The following CSRNP3 variants were observed in gnomAD, a reference collection of about 807,000 sequenced individuals.
CSRNP3 encodes cysteine/serine-rich nuclear protein 3.
In CSRNP3, 12 loss-of-function variants were observed where a neutral mutation model predicts 48.0. The ratio of observed to expected loss-of-function variants is 0.25; its 90% CI spans 0.16 to 0.41. The LOEUF is 0.41. Ranked by LOEUF, CSRNP3 falls within the 10% of genes least tolerant of loss-of-function variation. The pLI is 1.00. For synonymous variants in CSRNP3, 263 were observed against 269.7 expected (o/e 0.98, Z 0.24); for missense variants, 580 against 724.4 (o/e 0.80, Z 2.29).
chr2:165,615,712 T>A (rs1003813966), intron 4 of CSRNP3, among the ~76,000 whole-genome samples: 2 of 151,972 alleles, frequency 1.3e-5, no homozygotes, highest in African/African-American at 4.8e-5. Flanking sequence ...ACATGGAATA[T>A]CTTTTTTTCA....
intron 3 of CSRNP3, among the ~76,000 whole-genome samples, chr2:165,545,557 G>A (rs1685013676): frequency 6.6e-6 from 1 of 152,044 alleles, no homozygotes; most frequent in Non-Finnish European, 1.5e-5. Flanking sequence ...TGGTGGAGAT[G>A]GAAAATATGT....
At chr2:165,610,807 A>G (rs1686123702) in intron 4 of CSRNP3, among the ~76,000 whole-genome samples, 2 of 152,166 alleles carry the variant, frequency 1.3e-5, no homozygotes, top group African/African-American at 4.8e-5. Context: ...ATTCATCAGC[A>G]TCAACCCTTT....
intron 4 of CSRNP3, among the ~76,000 whole-genome samples, chr2:165,655,409 A>G (rs1003996488): frequency 3.3e-5 from 5 of 152,316 alleles, no homozygotes; most frequent in South Asian, 4.1e-4. Flanking sequence ...AGTAATATCA[A>G]CCAGGGAGTT....
At chr2:165,499,650 T>G (rs1336317280) in intron 2 of CSRNP3, among the ~76,000 whole-genome samples, 1 of 152,138 alleles carries the variant, frequency 6.6e-6, no homozygotes. Context: ...TCAAAAATAC[T>G]GAATTCCATT....
At chr2:165,584,990 G>A (rs1352999912) in intron 3 of CSRNP3, among the ~76,000 whole-genome samples, 1 of 152,138 alleles carries the variant, frequency 6.6e-6, no homozygotes, top group Non-Finnish European at 1.5e-5. Flanking sequence ...ACAGCCTATG[G>A]ATCACAGGTT....
At position 165,631,421 on chromosome 2, in the gene CSRNP3, A is replaced by G. The variant is rs556035837; in HGVS notation, c.149-26340A>G. The stretch of plus-strand genomic sequence containing the variant: ...TTACTTTGGTGGGAACAAGACCGAT[A>G]TACAAGTTGCCTGTCTTCTGTGGAA... On this transcript the variant is annotated intron_variant, in intron 4 of 6. Coordinates refer to ENST00000651982, the MANE Select transcript of CSRNP3 (RefSeq NM_001172173.2). 1.8e-4 allele frequency among the ~76,000 whole-genome samples: 28 copies of G among 152,348 alleles called. No individual in the cohort carries two copies. In the South Asian group the frequency reaches 2.3e-3, roughly 12 times the overall value.
In CSRNP3 at chr2:165,535,043, T is replaced by G. The variant is rs560306087; in HGVS notation, c.-24+17082T>G. Among the ~76,000 whole-genome samples the G allele has an allele frequency of 2.6e-5, 4 of 151,946 alleles. No homozygotes were observed. The East Asian group carries it at 7.7e-4, about 29-fold the overall frequency. On this transcript the variant is annotated intron_variant, in intron 3 of 6. Coordinates refer to ENST00000651982, the MANE Select transcript of CSRNP3 (RefSeq NM_001172173.2). ...TATACTTGAGACTTGGCTTGGCTAT[T>G]GATACTGTAAGAATAATGGTATGTA...
At chr2:165,575,158 C>A (rs1348155740) in intron 3 of CSRNP3, among the ~76,000 whole-genome samples, 1 of 152,174 alleles carries the variant, frequency 6.6e-6, no homozygotes, top group Non-Finnish European at 1.5e-5. Flanking sequence ...GGACAAAAGT[C>A]TTCTTTCCAT....
intron 4 of CSRNP3, among the ~76,000 whole-genome samples, chr2:165,599,457 T>TA (rs1574857422): frequency 1.3e-5 from 2 of 152,130 alleles, no homozygotes; most frequent in East Asian, 3.9e-4. Context: ...ACCAGGCCAA[T>TA]TCTTGTATTT....
At chr2:165,540,541 C>T (rs1170053814) in intron 3 of CSRNP3, among the ~76,000 whole-genome samples, 1 of 152,076 alleles carries the variant, frequency 6.6e-6, no homozygotes, top group African/African-American at 2.4e-5. Flanking sequence ...CCTTCGAAAG[C>T]TTAACTGTGA....
At chr2:165,529,768 A>G (rs972557161) in intron 3 of CSRNP3, among the ~76,000 whole-genome samples, 1 of 152,218 alleles carries the variant, frequency 6.6e-6, no homozygotes, top group Non-Finnish European at 1.5e-5. Flanking sequence ...AACATATAGC[A>G]TAGTGTTGGG....
intron 3 of CSRNP3, among the ~76,000 whole-genome samples, chr2:165,591,976 C>A (rs1001830968): frequency 6.6e-6 from 1 of 152,122 alleles, no homozygotes; most frequent in Non-Finnish European, 1.5e-5. Context: ...AATGGAAGAT[C>A]CACTGACAGC....
At chr2:165,541,074 A>G (rs1292623680) in intron 3 of CSRNP3, among the ~76,000 whole-genome samples, 1 of 151,938 alleles carries the variant, frequency 6.6e-6, no homozygotes, top group African/African-American at 2.4e-5. Context: ...TATACCACCA[A>G]ACAATCAACC....
intron 3 of CSRNP3, among the ~76,000 whole-genome samples, chr2:165,558,005 T>C: frequency 6.6e-6 from 1 of 152,222 alleles, no homozygotes; most frequent in East Asian, 1.9e-4. Flanking sequence ...TTTTTCAACC[T>C]GAATAGTTCC....
intron 3 of CSRNP3, among the ~76,000 whole-genome samples, chr2:165,529,213 G>A (rs182215461): frequency 2.2e-4 from 33 of 152,316 alleles, no homozygotes; most frequent in African/African-American, 7.7e-4. Flanking sequence ...AATTGGTTTT[G>A]AAATGTGAGG....
intron 5 of CSRNP3, among the ~76,000 whole-genome samples, chr2:165,666,499 A>G (rs899118512): frequency 2.5e-5 from 1 of 40,622 alleles, no homozygotes; most frequent in South Asian, 1.9e-3. Flanking sequence ...GGAAGGGAGG[A>G]AAGAGAGAGA....
chr2:165,558,358 G>A (rs937898670), intron 3 of CSRNP3, among the ~76,000 whole-genome samples: 11 of 152,106 alleles, frequency 7.2e-5, no homozygotes, highest in African/African-American at 2.4e-4. Context: ...GCTGATGAAG[G>A]GTTATCTGAA....
At chr2:165,554,761 G>C (rs1366519244) in intron 3 of CSRNP3, among the ~76,000 whole-genome samples, 3 of 152,146 alleles carry the variant, frequency 2.0e-5, no homozygotes, top group Non-Finnish European at 4.4e-5. Context: ...CTTTCAAACA[G>C]CCAGAGTCAT....
At position 165,584,435 on chromosome 2, in the gene CSRNP3, T is replaced by C. The variant is rs145861323; in HGVS notation, c.-23-10608T>C. Among the ~76,000 whole-genome samples, 370 of 152,186 alleles carry C rather than the reference T, an allele frequency of 2.4e-3. 4 individuals carry two copies. The highest frequency in any genetic ancestry group is 8.6e-3 in the African/African-American group (355 of 41,512). ...CACATGACTGAAACAAAGAGCTAGG[T>C]AGTAGCAAAGAGAGGGCCTTCTAAA... On this transcript the variant is annotated intron_variant, in intron 3 of 6. Transcript: ENST00000651982.
Sources: allele counts gnomAD v4.1 joint callset (sites outside exome capture counted in the v4.1 genomes callset), GRCh38; gene constraint gnomAD v4.1.1; transcripts MANE v1.5; gene names NCBI Gene and HGNC (gene_info 2026-07-23, HGNC 2026-07-21).